Variants in DCLK2 observed in about 807,000 individuals in gnomAD.
The protein encoded by DCLK2 is doublecortin like kinase 2, also known as serine/threonine-protein kinase DCLK2.
A neutral mutation model predicts 78.4 loss-of-function variants in DCLK2; 31 were observed. The ratio of observed to expected loss-of-function variants is 0.40; its 90% CI spans 0.30 to 0.53. The LOEUF (loss-of-function observed/expected upper bound fraction) is 0.53, where lower values mean the gene tolerates loss of function less well. DCLK2 is among the 20% of genes least tolerant of loss of function. The probability of loss-of-function intolerance (pLI) is 0.61; values close to 1 mark genes in which losing one functional copy is unlikely to be tolerated. For missense variants in DCLK2, 872 were observed against 973.7 expected (o/e 0.90, Z 1.39); for synonymous variants, 407 against 374.9 (o/e 1.09, Z -0.99).
chr4:150,168,272 G>A (rs1295325866), intron 2 of DCLK2, among the ~76,000 whole-genome samples: 2 of 151,708 alleles, frequency 1.3e-5, no homozygotes, highest in Non-Finnish European at 2.9e-5. Context: ...AAGTAAACCC[G>A]GCAGGCAGAG....
chr4:150,202,396 A>G (rs546665454), intron 4 of DCLK2, among the ~76,000 whole-genome samples: 15 of 152,346 alleles, frequency 9.8e-5, no homozygotes, highest in African/African-American at 3.6e-4. Context: ...AGTCAGAAAA[A>G]TTAAAGTTTT....
chr4:150,198,925 T>G (rs1739265355), intron 4 of DCLK2: 12 of 310,830 alleles, frequency 3.9e-5, no homozygotes, highest in East Asian at 3.0e-4. Context: ...CCCCCCCACT[T>G]TCTGTAGGGC....
At chr4:150,222,320 T>A (rs1269048686) in intron 7 of DCLK2, among the ~76,000 whole-genome samples, 1 of 152,012 alleles carries the variant, frequency 6.6e-6, no homozygotes, top group Non-Finnish European at 1.5e-5. Flanking sequence ...TATAAAACTG[T>A]TTTATGTGCA....
chr4:150,113,867 T>C (rs1184368412), intron 2 of DCLK2, among the ~76,000 whole-genome samples: 2 of 152,196 alleles, frequency 1.3e-5, no homozygotes, highest in African/African-American at 4.8e-5. Flanking sequence ...TTCAGACTTT[T>C]TGATGTAGGC....
intron 2 of DCLK2, among the ~76,000 whole-genome samples, chr4:150,119,434 A>G (rs968331606): frequency 6.6e-6 from 1 of 152,226 alleles, no homozygotes; most frequent in Non-Finnish European, 1.5e-5. Flanking sequence ...TCAAAGCTGT[A>G]GACAAAAAGT....
rs1488724491 is a variant in DCLK2, at chr4:150,253,479, T to G, written c.2074-2541T>G. The G allele has an allele frequency of 2.3e-6, 3 of 1,289,480 alleles. No individual in the cohort carries two copies. The African/African-American group carries it at 4.6e-5, about 20-fold the overall frequency. 79.9% of individuals were successfully genotyped at this position (1,289,480 alleles called of 1,614,324 possible). The stretch of plus-strand genomic sequence containing the variant: ...ATCTGCATTTTGTTTGACAGTTTGA[T>G]TTGACAGTTTGAGAGGCACCTCAGA... On this transcript the variant is annotated intron_variant, in intron 15 of 15. Coordinates refer to ENST00000296550, the MANE Select transcript of DCLK2 (RefSeq NM_001040260.4).
intron 10 of DCLK2, among the ~76,000 whole-genome samples, chr4:150,233,246 A>G (rs1224222949): frequency 6.6e-6 from 1 of 152,134 alleles, no homozygotes; most frequent in Non-Finnish European, 1.5e-5. Flanking sequence ...AAACCATCGT[A>G]TGTTATGAGA....
chr4:150,097,251 C>T (rs774558019), intron 1 of DCLK2, among the ~76,000 whole-genome samples: 2 of 151,382 alleles, frequency 1.3e-5, no homozygotes, highest in Non-Finnish European at 2.9e-5. Context: ...CAACCTCCGC[C>T]TTCTGGGTTC....
rs555683670 is a variant in DCLK2, at chr4:150,107,439, C to T, written c.756+4627C>T. Among the ~76,000 whole-genome samples the T allele has an allele frequency of 7.0e-3, 989 of 142,064 alleles. 6 individuals are homozygous for T. Among genetic ancestry groups the T allele is most frequent in the Non-Finnish European group, 0.012 (802 of 66,720 alleles). The allele number at this position is 142,064 out of a possible 152,430, so 93.2% of individuals were successfully genotyped here. On this transcript the variant is annotated intron_variant, in intron 2 of 15. Coordinates refer to ENST00000296550, the MANE Select transcript of DCLK2 (RefSeq NM_001040260.4). ...TGTCACCCAGGCTAAAGGGCAATGGCGATCTCGGCTTACTGCAGCTTTGAC... is the reference window on the plus strand; with the variant it reads ...TGTCACCCAGGCTAAAGGGCAATGGTGATCTCGGCTTACTGCAGCTTTGAC...
chr4:150,218,610 T>C (rs1740928851), intron 5 of DCLK2, among the ~76,000 whole-genome samples: 1 of 152,030 alleles, frequency 6.6e-6, no homozygotes, highest in South Asian at 2.1e-4. Context: ...CAGCTGTGAG[T>C]GTGGGGACCT....
chr4:150,244,086 A>G lies in DCLK2; in HGVS notation c.1779-3517A>G, dbSNP rs981894492. ...GTAGCTGAGACCACATGTGTGCACCACTATATTGCACTAGTTGTTGAAGTT... is the reference window on the plus strand; with the variant it reads ...GTAGCTGAGACCACATGTGTGCACCGCTATATTGCACTAGTTGTTGAAGTT... On this transcript the variant is annotated intron_variant, in intron 12 of 15. Transcript: ENST00000296550. Among the ~76,000 whole-genome samples, 9 of 151,960 alleles carry G rather than the reference A, an allele frequency of 5.9e-5. No homozygotes were observed. The South Asian group carries it at 1.7e-3, about 28-fold the overall frequency.
intron 1 of DCLK2, among the ~76,000 whole-genome samples, chr4:150,089,073 C>T (rs1729862880): frequency 8.4e-6 from 1 of 119,250 alleles, no homozygotes; most frequent in Non-Finnish European, 1.9e-5. Context: ...TAGGGTAATG[C>T]AGATATTCCA....
intron 10 of DCLK2, among the ~76,000 whole-genome samples, chr4:150,235,426 A>T (rs1742421316): frequency 6.6e-6 from 1 of 152,200 alleles, no homozygotes; most frequent in Admixed American, 6.5e-5. Flanking sequence ...TGAGTCTCAG[A>T]ATGCAATCAG....
At chr4:150,201,229 G>A (rs1373892611) in intron 4 of DCLK2, among the ~76,000 whole-genome samples, 3 of 152,134 alleles carry the variant, frequency 2.0e-5, no homozygotes, top group Non-Finnish European at 4.4e-5. Flanking sequence ...TTGAGGGGAG[G>A]GGGATAAAAT....
intron 1 of DCLK2, among the ~76,000 whole-genome samples, chr4:150,098,961 C>T (rs1203780669): frequency 1.3e-5 from 2 of 152,110 alleles, no homozygotes; most frequent in African/African-American, 4.8e-5. Flanking sequence ...CCCCAAAGTG[C>T]TGGGATTACA....
At chr4:150,199,039 G>A (rs1161444383) in intron 4 of DCLK2, 1 of 1,596,156 alleles carries the variant, frequency 6.3e-7, no homozygotes, top group Non-Finnish European at 8.5e-7. Context: ...AAAGCGGGGT[G>A]GCCACTACTC....
intron 1 of DCLK2, among the ~76,000 whole-genome samples, chr4:150,095,710 A>G (rs929957671): frequency 3.9e-5 from 6 of 152,228 alleles, no homozygotes; most frequent in Non-Finnish European, 1.5e-5. Flanking sequence ...GATTGAACCA[A>G]TCAGTTTTTC....
In DCLK2 at chr4:150,104,394, T is replaced by TAAAAAAAAAAAAAAAAA. The variant is rs34276664; in HGVS notation, c.756+1595_756+1611dup. ...TGGTGACAAAAAAGACCACATCTCC[T>TAAAAAAAAAAAAAAAAA]AAAAAAAAAAAAAAAAAAAAAAAAA... On this transcript the variant is annotated intron_variant, in intron 2 of 15. Transcript: ENST00000296550. Among the ~76,000 whole-genome samples, 26 of 29,754 alleles carry TAAAAAAAAAAAAAAAAA rather than the reference T, an allele frequency of 8.7e-4. 4 individuals carry two copies. The highest frequency in any genetic ancestry group is 1.9e-3 in the Admixed American group (4 of 2,082). The allele number at this position is 29,754 out of a possible 152,430, so 19.5% of individuals were successfully genotyped here.
rs182681750 is a variant in DCLK2, at chr4:150,138,237, G to A, written c.756+35425G>A. On this transcript the variant is annotated intron_variant, in intron 2 of 15. Transcript: ENST00000296550. ...CTTTGCAACCCAACTACCTGGGTGT[G>A]TCCTGGCTTTGTCACACTCTAGCTG... Among the ~76,000 whole-genome samples the A allele has an allele frequency of 1.8e-3, 277 of 152,336 alleles. 1 individual carries two copies. The highest frequency in any genetic ancestry group is 6.4e-3 in the African/African-American group (265 of 41,584).
Sources: gnomAD v4.1 joint callset for allele counts (sites outside exome capture counted in the v4.1 genomes callset) on GRCh38, gnomAD v4.1.1 for gene constraint, MANE v1.5 for transcripts, NCBI Gene and HGNC (gene_info 2026-07-23, HGNC 2026-07-21) for gene names.